CDKAL1: variants seen among roughly 807,000 people sequenced by gnomAD.
The protein encoded by CDKAL1 is CDKAL1 threonylcarbamoyladenosine tRNA methylthiotransferase, also known as threonylcarbamoyladenosine tRNA methylthiotransferase.
A neutral mutation model predicts 68.2 loss-of-function variants in CDKAL1; 32 were observed. The ratio of observed to expected loss-of-function variants is 0.47; its 90% confidence interval spans 0.35 to 0.63. The LOEUF (loss-of-function observed/expected upper bound fraction) is 0.63. CDKAL1 is among the 30% of genes least tolerant of loss of function. CDKAL1 has a pLI of 0.00. For missense variants in CDKAL1, 606 were observed against 696.7 expected (o/e 0.87, Z 1.47); for synonymous variants, 234 against 244.3 (o/e 0.96, Z 0.39).
chr6:21,220,587 T>G (rs1779504291), intron 15 of CDKAL1, among the ~76,000 whole-genome samples: 1 of 152,214 alleles, frequency 6.6e-6, no homozygotes, highest in Non-Finnish European at 1.5e-5. Flanking sequence ...CTAGATCTGG[T>G]TCTTCTGTCC....
intron 13 of CDKAL1, among the ~76,000 whole-genome samples, chr6:21,129,352 A>T (rs1035962550): frequency 2.6e-5 from 4 of 152,150 alleles, no homozygotes; most frequent in Admixed American, 2.6e-4. Context: ...AAAGGAGAAA[A>T]ATGAAAATAT....
intron 6 of CDKAL1, among the ~76,000 whole-genome samples, chr6:20,751,982 GT>G (rs1174084675): frequency 1.3e-5 from 2 of 151,898 alleles, no homozygotes; most frequent in African/African-American, 4.8e-5. Flanking sequence ...TGAATTTTGA[GT>G]TTGTTTTCTT....
intron 9 of CDKAL1, among the ~76,000 whole-genome samples, chr6:20,851,432 G>A (rs1759006588): frequency 6.6e-6 from 1 of 152,134 alleles, no homozygotes. Flanking sequence ...ACCTTTTTAA[G>A]TGTGCAGGGT....
intron 8 of CDKAL1, among the ~76,000 whole-genome samples, chr6:20,798,693 C>A (rs1177755301): frequency 2.1e-5 from 3 of 139,946 alleles, no homozygotes; most frequent in Admixed American, 8.1e-5. Flanking sequence ...TGTTCTCACT[C>A]GTAGGTGGGA....
chr6:21,176,172 A>C (rs964385503), intron 13 of CDKAL1, among the ~76,000 whole-genome samples: 1 of 152,376 alleles, frequency 6.6e-6, no homozygotes, highest in South Asian at 2.1e-4. Flanking sequence ...CCTGTTGTAC[A>C]TCCTTAGGTG....
chr6:20,812,794 T>C (rs988626566), intron 8 of CDKAL1, among the ~76,000 whole-genome samples: 7 of 152,204 alleles, frequency 4.6e-5, no homozygotes, highest in Non-Finnish European at 7.3e-5. Context: ...TACCTGTTGA[T>C]AGATACCTGG....
chr6:20,562,045 T>A (rs997355801), intron 4 of CDKAL1, among the ~76,000 whole-genome samples: 1 of 152,234 alleles, frequency 6.6e-6, no homozygotes, highest in Non-Finnish European at 1.5e-5. Flanking sequence ...TTCAATTTAA[T>A]GGGATTGGAT....
chr6:20,972,264 C>T (rs1336151830), intron 10 of CDKAL1, among the ~76,000 whole-genome samples: 1 of 152,206 alleles, frequency 6.6e-6, no homozygotes. Flanking sequence ...TCTTGTTCCA[C>T]ACTGGTGGCC....
At chr6:21,213,214 A>G (rs527256729) in intron 15 of CDKAL1, among the ~76,000 whole-genome samples, 207 of 152,300 alleles carry the variant, frequency 1.4e-3, no homozygotes, top group Non-Finnish European at 2.5e-3. Flanking sequence ...ATTGGGAGGA[A>G]TAGAGTCCAT....
chr6:21,132,613 A>G (rs980749658), intron 13 of CDKAL1, among the ~76,000 whole-genome samples: 3 of 152,164 alleles, frequency 2.0e-5, no homozygotes, highest in African/African-American at 7.2e-5. Context: ...TAACATTTTT[A>G]TCTTAAAGCA....
At chr6:20,576,991 T>A (rs899189699) in intron 4 of CDKAL1, among the ~76,000 whole-genome samples, 4 of 152,204 alleles carry the variant, frequency 2.6e-5, no homozygotes, top group Non-Finnish European at 4.4e-5. Flanking sequence ...TATTTAACAA[T>A]TTTTTTGTAG....
At chr6:21,102,521 T>C (rs980550083) in intron 12 of CDKAL1, among the ~76,000 whole-genome samples, 3 of 152,198 alleles carry the variant, frequency 2.0e-5, no homozygotes, top group Non-Finnish European at 2.9e-5. Context: ...TCTGCGTGAC[T>C]CTCCCAGTTC....
At chr6:21,204,358 A>G (rs1298200778) in intron 15 of CDKAL1, among the ~76,000 whole-genome samples, 2 of 152,178 alleles carry the variant, frequency 1.3e-5, no homozygotes, top group African/African-American at 4.8e-5. Flanking sequence ...CTATTCCCCC[A>G]ACCCTGATTA....
intron 4 of CDKAL1, among the ~76,000 whole-genome samples, chr6:20,599,751 A>G (rs896524833): frequency 1.3e-5 from 2 of 152,192 alleles, no homozygotes; most frequent in Non-Finnish European, 2.9e-5. Context: ...AACTCCATTT[A>G]CAGTTGATAA....
At chr6:20,568,193 A>T (rs1581738642) in intron 4 of CDKAL1, among the ~76,000 whole-genome samples, 1 of 151,616 alleles carries the variant, frequency 6.6e-6, no homozygotes, top group Admixed American at 6.6e-5. Context: ...TAATTTTTAA[A>T]TTTTTTGTAG....
intron 4 of CDKAL1, among the ~76,000 whole-genome samples, chr6:20,637,220 G>A (rs757061658): frequency 3.9e-5 from 6 of 152,038 alleles, no homozygotes; most frequent in Non-Finnish European, 5.9e-5. Context: ...AGTATAGCTC[G>A]TGCATAGAGA....
At chr6:20,629,639 TTCTGC>T (rs1052887864) in intron 4 of CDKAL1, among the ~76,000 whole-genome samples, 3 of 152,206 alleles carry the variant, frequency 2.0e-5, no homozygotes, top group South Asian at 2.1e-4. Flanking sequence ...CTCACTCCAT[TTCTGC>T]TCTCCTGCCC....
chr6:20,586,645 CAT>C (rs1765368152), intron 4 of CDKAL1, among the ~76,000 whole-genome samples: 1 of 152,094 alleles, frequency 6.6e-6, no homozygotes, highest in Non-Finnish European at 1.5e-5. Context: ...TCAAAACAAA[CAT>C]AAAAAAAGGA....
At chr6:21,129,583 A>G (rs1295472249) in intron 13 of CDKAL1, among the ~76,000 whole-genome samples, 4 of 150,130 alleles carry the variant, frequency 2.7e-5, no homozygotes, top group Non-Finnish European at 5.9e-5. Flanking sequence ...ATGTGTGTAG[A>G]CTCAGCAGCA....
Sources: gnomAD v4.1 joint callset for allele counts (sites outside exome capture counted in the v4.1 genomes callset) on GRCh38, gnomAD v4.1.1 for gene constraint, MANE v1.5 for transcripts, NCBI Gene and HGNC (gene_info 2026-07-23, HGNC 2026-07-21) for gene names.